Variants in NBPF11 observed in about 807,000 individuals in gnomAD.
NBPF11 encodes NBPF family member NBPF11.
In NBPF11, 72 loss-of-function variants were observed where a neutral mutation model predicts 93.9. The ratio of observed to expected loss-of-function variants is 0.77; its 90% CI spans 0.63 to 0.93. NBPF11 has a LOEUF of 0.93. Ranked by LOEUF, NBPF11 falls within the 40% of genes least tolerant of loss-of-function variation. NBPF11 has a pLI of 0.00. For synonymous variants in NBPF11, 224 were observed against 304.9 expected, an observed-to-expected ratio of 0.73 and a Z score of 2.76; for missense variants, 705 against 802.2, an observed-to-expected ratio of 0.88 and a Z score of 1.46.
chr1:148,112,077 AAG>A (rs1360417684), intron 15 of NBPF11, among the ~76,000 whole-genome samples: 1 of 137,244 alleles, frequency 7.3e-6, no homozygotes, highest in Non-Finnish European at 1.5e-5. Flanking sequence ...TACAAGCCAG[AAG>A]AGAGTGGGAG....
chr1:148,124,281 G>C (rs1411266553), intron 6 of NBPF11, among the ~76,000 whole-genome samples: 1 of 151,876 alleles, frequency 6.6e-6, no homozygotes, highest in African/African-American at 2.4e-5. Context: ...GATCCTCGAT[G>C]ATGTTCCATT....
intron 1 of NBPF11, among the ~76,000 whole-genome samples, chr1:148,150,903 A>G (rs1423256819): frequency 6.6e-6 from 1 of 151,452 alleles, no homozygotes; most frequent in East Asian, 1.9e-4. Flanking sequence ...AATTTTTTGT[A>G]TTTTCAGTAG....
Position 148,108,493 on chromosome 1 carries a change from A to T in NBPF11, c.2015T>A (p.Val672Asp), listed in dbSNP as rs1476407898. Residue 672 changes from valine (V) to aspartate (D), a missense_variant, in exon 18 of 24, where the codon GTT becomes GAT. Physicochemically the swap from Val to Asp is radical, Grantham distance 152. Transcript: ENST00000682118. ...VLEQQRIGLA[V>D]DMDEIEKYQE... is the part of the protein sequence containing the mutation. ...AGAAAGGTACTCACCATCCATGTCAACAGCCAAGCCAATACGCTGTTGCTC... is the reference window on the plus strand; with the variant it reads ...AGAAAGGTACTCACCATCCATGTCATCAGCCAAGCCAATACGCTGTTGCTC... 3.2e-6 allele frequency: 5 copies of T among 1,575,354 alleles called. No homozygotes were observed. The East Asian group carries it at 1.1e-4, about 35-fold the overall frequency.
chr1:148,136,743 G>C (rs1371298546), intron 3 of NBPF11, among the ~76,000 whole-genome samples: 1 of 151,818 alleles, frequency 6.6e-6, no homozygotes, highest in Non-Finnish European at 1.5e-5. Flanking sequence ...TTCTATGCCT[G>C]TCCCATCATT....
chr1:148,120,085 C>T (rs1489154632), intron 10 of NBPF11, among the ~76,000 whole-genome samples: 1 of 151,226 alleles, frequency 6.6e-6, no homozygotes, highest in South Asian at 2.1e-4. Context: ...TAGAACAGAG[C>T]TTTGTGTATT....
intron 7 of NBPF11, among the ~76,000 whole-genome samples, chr1:148,123,014 A>C (rs1386477902): frequency 2.6e-5 from 4 of 151,994 alleles, no homozygotes; most frequent in Admixed American, 2.6e-4. Flanking sequence ...AGATGTGGCC[A>C]AATACTGAAA....
rs1663342259 is a variant in NBPF11, at chr1:148,105,525, G to A, written c.2307C>T (p.Leu769=). ...CTACTACCTCCAGCAGCTCCCTGCT[G>A]AGCCTGGAAAAGGAGGAAAAAGTAA... ...EEDQGPPCPR[L]SRELLEVVEP... is the part of the protein sequence containing the mutation. Residue 769 remains leucine, a synonymous_variant, in exon 22 of 24, where the codon CTC becomes CTT. Transcript: ENST00000682118. The A allele has an allele frequency of 8.1e-6, 7 of 862,742 alleles. 1 individual carries two copies. The South Asian group carries it at 9.5e-5, about 12-fold the overall frequency. 53.4% of individuals were successfully genotyped at this position (862,742 alleles called of 1,614,324 possible).
chr1:148,105,444 C>T lies in NBPF11; in HGVS notation c.2388G>A (p.Leu796=). The T allele has an allele frequency of 1.8e-6, 2 of 1,107,100 alleles. No individual in the cohort carries two copies. The highest frequency in any genetic ancestry group is 2.4e-5 in the East Asian group (1 of 41,068). 68.6% of individuals were successfully genotyped at this position (1,107,100 alleles called of 1,614,324 possible). The change falls in exon 22 of 24, where the codon TTG becomes TTA. Residue 796 remains leucine, a synonymous_variant. Transcript: ENST00000682118. ...LDVIQLLPVV[L]NSLTPASPTE... is the part of the protein sequence containing the mutation. ...TAGGGCTGGCAGGAGTCAGGCTGTT[C>T]AAGACAACTGGAAGGAGTTGAATAA...
rs1228719294 is a variant in NBPF11 at position 148,102,649 on chromosome 1, C to T, written c.*1247G>A. 5 of 150,874 alleles carry T rather than the reference C, an allele frequency of 3.3e-5. No homozygotes were observed. The highest frequency in any genetic ancestry group is 7.4e-5 in the Non-Finnish European group (5 of 67,924). The allele number at this position is 150,874 out of a possible 1,614,324, so 9.3% of individuals were successfully genotyped here. Reference sequence around the variant, plus strand: ...CAACTTCAGAATGTAGATCATTGAGCCAGACAGCTGACCTGTCCTCTATAA... The same window carrying T: ...CAACTTCAGAATGTAGATCATTGAGTCAGACAGCTGACCTGTCCTCTATAA... On this transcript the variant is annotated 3_prime_UTR_variant, in exon 24 of 24. Coordinates refer to ENST00000682118, the MANE Select transcript of NBPF11 (RefSeq NM_001385469.3).
Position 148,106,530 on chromosome 1 carries a change from A to C in NBPF11, c.2252-298T>G, listed in dbSNP as rs1444181590. On this transcript the variant is annotated intron_variant, in intron 20 of 23. Coordinates refer to ENST00000682118, the MANE Select transcript of NBPF11 (RefSeq NM_001385469.3). ...CAGTTCAAAGAAAATGCCCCAGAGG[A>C]TTTCTAGGAGGAAAACTAAAGTATT... 2.5e-4 allele frequency among the ~76,000 whole-genome samples: 35 copies of C among 138,290 alleles called. 4 individuals are homozygous for C. The highest frequency in any genetic ancestry group is 9.5e-4 in the African/African-American group (32 of 33,564). The allele number at this position is 138,290 out of a possible 152,430, so 90.7% of individuals were successfully genotyped here. A position where few individuals can be genotyped will look rare whatever the true frequency, so the allele number is the denominator to read the frequency against.
intron 14 of NBPF11, among the ~76,000 whole-genome samples, chr1:148,115,070 C>A (rs1253601879): frequency 8.0e-6 from 1 of 124,700 alleles, no homozygotes; most frequent in Admixed American, 9.2e-5. Context: ...GAGGCTGAGG[C>A]AGGAGAATCA....
At chr1:148,105,651 A>T (rs1663374029) in intron 21 of NBPF11, 123 bp from the exon 22 acceptor site, 2 of 652,346 alleles carry the variant, frequency 3.1e-6, no homozygotes, top group African/African-American at 4.8e-5. Flanking sequence ...TCTATTAATG[A>T]GGTAACAAAT....
chr1:148,102,164 G>A lies in NBPF11; in HGVS notation c.*1732C>T, dbSNP rs1662494417. On this transcript the variant is annotated 3_prime_UTR_variant, in exon 24 of 24. Coordinates refer to ENST00000682118, the MANE Select transcript of NBPF11 (RefSeq NM_001385469.3). ...AAAAGTCCAGAGTGATAGGCAAAAG[G>A]TTTTAATTGTATAGATTAAAATTAA... The A allele has an allele frequency of 1.3e-5, 2 of 152,030 alleles. No individual in the cohort carries two copies. Among genetic ancestry groups the A allele is most frequent in the African/African-American group, 2.4e-5 (1 of 41,300 alleles). The allele number at this position is 152,030 out of a possible 1,614,324, so 9.4% of individuals were successfully genotyped here.
intron 2 of NBPF11, among the ~76,000 whole-genome samples, chr1:148,143,025 G>T (rs1489806896): frequency 6.6e-6 from 1 of 152,002 alleles, no homozygotes; most frequent in Non-Finnish European, 1.5e-5. Context: ...GGACAGGGAG[G>T]GGGTGAGCCA....
chr1:148,123,748 G>A, intron 7 of NBPF11, 105 bp downstream of exon 7: 1 of 1,609,266 alleles, frequency 6.2e-7, no homozygotes, highest in South Asian at 1.1e-5. Flanking sequence ...CATATGTGTA[G>A]TAGAAAAAAA....
chr1:148,103,702 C>A lies in NBPF11; in HGVS notation c.*194G>T. ...GGAATATGACTCCCATCTGGAAGAC[C>A]AGGTGGAGACTTCTCACCGTCAAAG... On this transcript the variant is annotated 3_prime_UTR_variant, in exon 24 of 24. Coordinates refer to ENST00000682118, the MANE Select transcript of NBPF11 (RefSeq NM_001385469.3). 26 of 1,611,306 alleles carry A rather than the reference C, an allele frequency of 1.6e-5. No individual in the cohort carries two copies. The highest frequency in any genetic ancestry group is 2.3e-4 in the Middle Eastern group (1 of 4,442).
intron 3 of NBPF11, among the ~76,000 whole-genome samples, chr1:148,136,448 C>A (rs1249796262): frequency 1.3e-5 from 2 of 151,196 alleles, no homozygotes; most frequent in Non-Finnish European, 2.9e-5. Context: ...AAACTTTTGA[C>A]ACACAAAACA....
chr1:148,142,417 A>G (rs1365271771), intron 2 of NBPF11, among the ~76,000 whole-genome samples: 9 of 151,758 alleles, frequency 5.9e-5, no homozygotes, highest in African/African-American at 2.2e-4. Flanking sequence ...TGGTGCCCCA[A>G]AGAATGAGAT....
chr1:148,139,433 A>C (rs1345782773), intron 2 of NBPF11, among the ~76,000 whole-genome samples: 4 of 149,158 alleles, frequency 2.7e-5, no homozygotes, highest in African/African-American at 1.0e-4. Flanking sequence ...TATTCTATTC[A>C]GACCCAGTCA....
Sources: gnomAD v4.1 joint callset for allele counts (sites outside exome capture counted in the v4.1 genomes callset) on GRCh38, gnomAD v4.1.1 for gene constraint, MANE v1.5 for transcripts, NCBI Gene and HGNC (gene_info 2026-07-23, HGNC 2026-07-21) for gene names.